Variants in USP6NL observed in about 807,000 individuals in gnomAD.
USP6NL encodes USP6 N-terminal like, also known as USP6 N-terminal-like protein.
In USP6NL, 26 loss-of-function variants were observed where a neutral mutation model predicts 61.9. That is an observed-to-expected ratio of 0.42 (90% CI 0.31 to 0.58). The LOEUF (loss-of-function observed/expected upper bound fraction) is 0.58, where lower values mean the gene tolerates loss of function less well. Ranked by LOEUF, USP6NL falls within the 20% of genes least tolerant of loss-of-function variation. The pLI, the probability that USP6NL is intolerant of heterozygous loss-of-function variation, is 0.16. For missense variants in USP6NL, 1,114 were observed against 1,034.3 expected (o/e 1.08, Z -1.06); for synonymous variants, 432 against 390.1 (o/e 1.11, Z -1.27).
intron 1 of USP6NL, among the ~76,000 whole-genome samples, chr10:11,604,951 A>T (rs928399636): frequency 6.6e-6 from 1 of 152,190 alleles, no homozygotes; most frequent in African/African-American, 2.4e-5. Flanking sequence ...GAAACTGCAG[A>T]TAAGGAGGAC....
At chr10:11,605,445 A>G (rs1299337185) in intron 1 of USP6NL, among the ~76,000 whole-genome samples, 2 of 152,214 alleles carry the variant, frequency 1.3e-5, no homozygotes, top group East Asian at 1.9e-4. Flanking sequence ...TACCTAACCT[A>G]TAATGACTGC....
chr10:11,528,872 AT>A lies in USP6NL; in HGVS notation c.5-1306del, dbSNP rs562663267. The stretch of plus-strand genomic sequence containing the variant: ...TCAAATCCCTGAAAGTTGAAGGGAC[AT>A]GCATGTGTGTAGCAGAGCCGGGTGC... On this transcript the variant is annotated intron_variant, in intron 2 of 14. Coordinates refer to ENST00000609104, the MANE Select transcript of USP6NL (RefSeq NM_014688.5). The surrounding 1 kb of genome is among the most constrained non-coding windows in gnomAD (Gnocchi z 4.6). Among the ~76,000 whole-genome samples, 228 of 152,314 alleles carry A rather than the reference AT, an allele frequency of 1.5e-3. No individual in the cohort carries two copies. The highest frequency in any genetic ancestry group is 4.9e-3 in the African/African-American group (203 of 41,562).
At chr10:11,567,566 C>T (rs1446159633) in intron 2 of USP6NL, among the ~76,000 whole-genome samples, 3 of 152,148 alleles carry the variant, frequency 2.0e-5, no homozygotes, top group Non-Finnish European at 4.4e-5. Flanking sequence ...TACAAATGAG[C>T]TGACACAGTT....
rs533193304 is a variant in USP6NL at position 11,528,597 on chromosome 10, G to A, written c.5-1030C>T. Among the ~76,000 whole-genome samples, 135 of 152,240 alleles carry A rather than the reference G, an allele frequency of 8.9e-4. 2 individuals are homozygous for A. Among genetic ancestry groups the A allele is most frequent in the African/African-American group, 3.1e-3 (130 of 41,534 alleles). On this transcript the variant is annotated intron_variant, in intron 2 of 14. Transcript: ENST00000609104. The surrounding 1 kb of genome is among the most constrained non-coding windows in gnomAD (Gnocchi z 4.6). ...ATAAAGCTAATAAACAGCAAAGACAGTTTTCAAATCCAGACAGTCTTGACT... is the reference window on the plus strand; with the variant it reads ...ATAAAGCTAATAAACAGCAAAGACAATTTTCAAATCCAGACAGTCTTGACT...
chr10:11,562,623 A>G lies in USP6NL; in HGVS notation c.4+35008T>C. ...ACTTGCAACTAAATGTAATTCTAAC[A>G]CTGAACAGTCCTCTAATTATTTGTG... On this transcript the variant is annotated intron_variant, in intron 2 of 14. Transcript: ENST00000609104. This position sits in a 1 kb window ranked among gnomAD's most constrained non-coding sequence, Gnocchi z 4.8. The G allele has an allele frequency of 1.0e-6, 1 of 985,452 alleles. No homozygotes were observed. Among genetic ancestry groups the G allele is most frequent in the Non-Finnish European group, 1.2e-6 (1 of 829,936 alleles). The allele number at this position is 985,452 out of a possible 1,614,324, so 61.0% of individuals were successfully genotyped here. A position where few individuals can be genotyped will look rare whatever the true frequency, so the allele number is the denominator to read the frequency against.
At chr10:11,508,402 G>A (rs1464502165) in intron 6 of USP6NL, among the ~76,000 whole-genome samples, 2 of 152,100 alleles carry the variant, frequency 1.3e-5, no homozygotes, top group Non-Finnish European at 2.9e-5. Context: ...AAACCAAAAC[G>A]ATTTTCATAA....
rs1835876501 is a variant in USP6NL, at chr10:11,537,400, C to A, written c.5-9833G>T. ...GTGCTACGATTATAGGCATGAGCCACAAAGCCCGGCCTACTCCTCTAGTTT... is the reference window on the plus strand; with the variant it reads ...GTGCTACGATTATAGGCATGAGCCAAAAAGCCCGGCCTACTCCTCTAGTTT... On this transcript the variant is annotated intron_variant, in intron 2 of 14. Transcript: ENST00000609104. This position sits in a 1 kb window ranked among gnomAD's most constrained non-coding sequence, Gnocchi z 5.1. Among the ~76,000 whole-genome samples the A allele has an allele frequency of 6.6e-6, 1 of 152,178 alleles. No individual in the cohort carries two copies. The highest frequency in any genetic ancestry group is 1.5e-5 in the Non-Finnish European group (1 of 68,032).
In USP6NL at chr10:11,600,566, T is replaced by G. The variant is rs1257885628; in HGVS notation, c.-83-2849A>C. On this transcript the variant is annotated intron_variant, in intron 1 of 14. Coordinates refer to ENST00000609104, the MANE Select transcript of USP6NL (RefSeq NM_014688.5). The surrounding 1 kb of genome is among the most constrained non-coding windows in gnomAD (Gnocchi z 4.1). ...GACAGTAAAGATAGTAATTTTAAAT[T>G]CAAATTTAAAAATTTTCTAGTTAAA... Among the ~76,000 whole-genome samples the G allele has an allele frequency of 1.3e-5, 2 of 152,228 alleles. No individual in the cohort carries two copies. Among genetic ancestry groups the G allele is most frequent in the Non-Finnish European group, 2.9e-5 (2 of 68,048 alleles).
In USP6NL at chr10:11,585,645, A is replaced by G. The variant is rs947558726; in HGVS notation, c.4+11986T>C. ...GACACTGCACTCCAGCCTGGGAAAC[A>G]GAGTGAGACTCCATCTCAAAAATAA... On this transcript the variant is annotated intron_variant, in intron 2 of 14. Coordinates refer to ENST00000609104, the MANE Select transcript of USP6NL (RefSeq NM_014688.5). This position sits in a 1 kb window ranked among gnomAD's most constrained non-coding sequence, Gnocchi z 4.5. Among the ~76,000 whole-genome samples, 11 of 152,232 alleles carry G rather than the reference A, an allele frequency of 7.2e-5. No homozygotes were observed. Among genetic ancestry groups the G allele is most frequent in the African/African-American group, 2.7e-4 (11 of 41,464 alleles).
At chr10:11,608,760 G>A (rs537450623) in intron 1 of USP6NL, among the ~76,000 whole-genome samples, 55 of 152,278 alleles carry the variant, frequency 3.6e-4, no homozygotes, top group South Asian at 6.2e-4. Flanking sequence ...GAATAAACAC[G>A]TTTGAATTTA....
At chr10:11,519,961 C>T (rs756844189) in intron 4 of USP6NL, among the ~76,000 whole-genome samples, 75 of 152,146 alleles carry the variant, frequency 4.9e-4, no homozygotes, top group Non-Finnish European at 7.9e-4. Context: ...TTCACCAGTA[C>T]GGTATTTTCA....
At chr10:11,534,526 A>T (rs1200256303) in intron 2 of USP6NL, among the ~76,000 whole-genome samples, 1 of 152,234 alleles carries the variant, frequency 6.6e-6, no homozygotes, top group African/African-American at 2.4e-5. Context: ...TCTAGGCAAC[A>T]CAAAGATCAT....
At chr10:11,603,021 G>T (rs996895300) in intron 1 of USP6NL, among the ~76,000 whole-genome samples, 3 of 152,152 alleles carry the variant, frequency 2.0e-5, no homozygotes, top group African/African-American at 7.2e-5. Context: ...CAAAAGTAAA[G>T]CAAATCTTCT....
intron 2 of USP6NL, among the ~76,000 whole-genome samples, chr10:11,581,365 A>G (rs1176818208): frequency 6.6e-6 from 1 of 152,224 alleles, no homozygotes; most frequent in Non-Finnish European, 1.5e-5. Context: ...CTTTTATGCA[A>G]AAAACACAGA....
chr10:11,596,863 T>C lies in USP6NL; in HGVS notation c.4+768A>G, dbSNP rs990131081. Among the ~76,000 whole-genome samples the C allele has an allele frequency of 6.6e-6, 1 of 152,148 alleles. No homozygotes were observed. Among genetic ancestry groups the C allele is most frequent in the African/African-American group, 2.4e-5 (1 of 41,424 alleles). On this transcript the variant is annotated intron_variant, in intron 2 of 14. Transcript: ENST00000609104. The surrounding 1 kb of genome is among the most constrained non-coding windows in gnomAD (Gnocchi z 4.1). Reference sequence around the variant, plus strand: ...TGAGAAAAGCTGCCCTATTTCATATTAAGGTAAATATAATCAATACAAATA... The same window carrying C: ...TGAGAAAAGCTGCCCTATTTCATATCAAGGTAAATATAATCAATACAAATA...
rs1178916720 is a variant in USP6NL at position 11,490,255 on chromosome 10, C to T, written c.543+577G>A. ...CCCTGGGACCTAGTCAACAAGTATT[C>T]ATTTAACACCCACATTAAGTCCAAC... On this transcript the variant is annotated intron_variant, in intron 9 of 14. Coordinates refer to ENST00000609104, the MANE Select transcript of USP6NL (RefSeq NM_014688.5). The surrounding 1 kb of genome is among the most constrained non-coding windows in gnomAD (Gnocchi z 4.5). Among the ~76,000 whole-genome samples the T allele has an allele frequency of 1.3e-5, 2 of 152,224 alleles. No individual in the cohort carries two copies. The highest frequency in any genetic ancestry group is 2.9e-5 in the Non-Finnish European group (2 of 68,036).
rs937113199 is a variant in USP6NL, at chr10:11,584,436, A to C, written c.4+13195T>G. 3.9e-5 allele frequency among the ~76,000 whole-genome samples: 6 copies of C among 152,306 alleles called. No homozygotes were observed. The East Asian group carries it at 7.7e-4, about 20-fold the overall frequency. On this transcript the variant is annotated intron_variant, in intron 2 of 14. Transcript: ENST00000609104. The stretch of plus-strand genomic sequence containing the variant: ...GAGATTCCCCCAGTATGAAATCTGT[A>C]ATCACCATAACACATTAATTACAAC...
In USP6NL at chr10:11,490,279, A is replaced by G. The variant is rs922758661; in HGVS notation, c.543+553T>C. Among the ~76,000 whole-genome samples the G allele has an allele frequency of 6.6e-5, 10 of 152,176 alleles. No homozygotes were observed. Among genetic ancestry groups the G allele is most frequent in the Admixed American group, 6.5e-4 (10 of 15,282 alleles). Reference sequence around the variant, plus strand: ...TCATTTAACACCCACATTAAGTCCAACACAAATTAATCTATCCCAGATTAT... The same window carrying G: ...TCATTTAACACCCACATTAAGTCCAGCACAAATTAATCTATCCCAGATTAT... On this transcript the variant is annotated intron_variant, in intron 9 of 14. Transcript: ENST00000609104. This position sits in a 1 kb window ranked among gnomAD's most constrained non-coding sequence, Gnocchi z 4.5.
Position 11,463,469 on chromosome 10 carries a change from A to AT in USP6NL, c.1458dup (p.Trp487MetfsTer3). 1 of 1,613,936 alleles carries AT rather than the reference A, an allele frequency of 6.2e-7. No homozygotes were observed. The highest frequency in any genetic ancestry group is 8.5e-7 in the Non-Finnish European group (1 of 1,179,886). ...GCTGAGACGTCTGACGGTTTATTCC[A>AT]TTTGGGCACAAACTCCTTCCTGATA... On this transcript the variant is annotated frameshift_variant, in exon 15 of 15. Transcript: ENST00000609104. LOFTEE classifies it low-confidence loss of function (END_TRUNC). The surrounding 1 kb of genome is among the most constrained non-coding windows in gnomAD (Gnocchi z 6.3).
Sources: gnomAD v4.1 joint callset for allele counts (sites outside exome capture counted in the v4.1 genomes callset) on GRCh38, gnomAD v4.1.1 for gene constraint, Gnocchi (gnomAD v3.1) non-coding constraint, MANE v1.5 for transcripts, NCBI Gene and HGNC (gene_info 2026-07-23, HGNC 2026-07-21) for gene names.